Variants in ISG20 observed in about 807,000 individuals in gnomAD.
The protein encoded by ISG20 is interferon-stimulated gene 20 kDa protein.
In ISG20, 8 loss-of-function variants were observed where a neutral mutation model predicts 11.1. The observed-to-expected ratio is 0.72, with a 90% CI of 0.42 to 1.30. ISG20 has a LOEUF of 1.30. Among genes scored for constraint, ISG20 ranks in the 50% most tolerant of loss-of-function variants. The probability of loss-of-function intolerance (pLI) is 0.01; values close to 1 mark genes in which losing one functional copy is unlikely to be tolerated. For synonymous variants in ISG20, 110 were observed against 101.7 expected, an observed-to-expected ratio of 1.08 and a Z score of -0.49; for missense variants, 243 against 250.2, an observed-to-expected ratio of 0.97 and a Z score of 0.19.
rs746462659 is a variant in ISG20 at position 88,639,596 on chromosome 15, T to A, written c.228+2T>A. The A allele has an allele frequency of 6.2e-6, 10 of 1,611,706 alleles. No individual in the cohort carries two copies. In the Admixed American group the frequency reaches 1.5e-4, roughly 24 times the overall value. On this transcript the variant is annotated splice_donor_variant, in intron 2 of 3. Coordinates refer to ENST00000306072, the MANE Select transcript of ISG20 (RefSeq NM_002201.6). LOFTEE classifies it high-confidence loss of function. The surrounding 1 kb of genome is among the most constrained non-coding windows in gnomAD (Gnocchi z 4.2). ...CCATTTGCCGTGGCCAGGCTAGAGG[T>A]GAGTGAAGGCCCGGCCAGCAGGGGC...
At chr15:88,648,936 T>C (rs1214652235) in intron 2 of ISG20, 1 of 152,194 alleles carries the variant, frequency 6.6e-6, no homozygotes, top group African/African-American at 2.4e-5. Flanking sequence ...CTCATGACAC[T>C]GACTCAGGGC....
chr15:88,650,555 T>G lies in ISG20; in HGVS notation c.229-1555T>G. 3 of 1,024,350 alleles carry G rather than the reference T, an allele frequency of 2.9e-6. No individual in the cohort carries two copies. The highest frequency in any genetic ancestry group is 2.6e-6 in the Non-Finnish European group (2 of 758,220). 63.5% of individuals were successfully genotyped at this position (1,024,350 alleles called of 1,614,324 possible). On this transcript the variant is annotated intron_variant, in intron 2 of 3. Transcript: ENST00000306072. The surrounding 1 kb of genome is among the most constrained non-coding windows in gnomAD (Gnocchi z 4.0). ...AACTTACCGGTTCAAACAATGTCAA[T>G]ACTTATTTCGCTCGGCCACCTGCAG...
At chr15:88,639,013 G>C (rs2058031355), upstream of ISG20, 1 of 365,898 alleles carries the variant, frequency 2.7e-6, no homozygotes, top group South Asian at 3.6e-5. The surrounding 1 kb of genome is among the most constrained non-coding windows in gnomAD (Gnocchi z 4.2). Flanking sequence ...GCTGAGAGCA[G>C]CTGCAGTAGC....
At chr15:88,655,022 C>T (rs1278795639) in intron 3 of ISG20, among the ~76,000 whole-genome samples, 1 of 152,240 alleles carries the variant, frequency 6.6e-6, no homozygotes, top group Non-Finnish European at 1.5e-5. Context: ...CCCTTGTGTT[C>T]TCTCTGAGCA....
At chr15:88,654,966 C>T (rs2058350562) in intron 3 of ISG20, among the ~76,000 whole-genome samples, 1 of 152,202 alleles carries the variant, frequency 6.6e-6, no homozygotes, top group Non-Finnish European at 1.5e-5. Context: ...CACATGCTCT[C>T]CCTGCCTCCG....
rs774873626 is a variant in ISG20, at chr15:88,639,909, C to A, written c.228+315C>A. On this transcript the variant is annotated intron_variant, in intron 2 of 3. Transcript: ENST00000306072. The surrounding 1 kb of genome is among the most constrained non-coding windows in gnomAD (Gnocchi z 4.2). ...TCTACATTCCCCATTCTTCCCTCTA[C>A]CCCAGGCTGCCACTGGTGAGACCTG... Among the ~76,000 whole-genome samples, 1 of 152,232 alleles carries A rather than the reference C, an allele frequency of 6.6e-6. No individual in the cohort carries two copies. The highest frequency in any genetic ancestry group is 1.5e-5 in the Non-Finnish European group (1 of 68,050).
At chr15:88,645,075 C>G (rs2058148676) in intron 2 of ISG20, among the ~76,000 whole-genome samples, 1 of 152,216 alleles carries the variant, frequency 6.6e-6, no homozygotes, top group African/African-American at 2.4e-5. Flanking sequence ...ACACGGAACC[C>G]TGCTCAGACT....
chr15:88,639,423 C>T lies in ISG20; in HGVS notation c.57C>T (p.Pro19=). The T allele has an allele frequency of 6.2e-7, 1 of 1,613,976 alleles. No individual in the cohort carries two copies. Among genetic ancestry groups the T allele is most frequent in the Non-Finnish European group, 8.5e-7 (1 of 1,179,958 alleles). Residue 19 remains proline (P), a synonymous_variant, in exon 2 of 4, where the codon CCC becomes CCT. Transcript: ENST00000306072. The surrounding 1 kb of genome is among the most constrained non-coding windows in gnomAD (Gnocchi z 4.2). ...AMDCEMVGLG[P]HRESGLARCS... is the part of the protein sequence containing the mutation. ...ACTGCGAGATGGTGGGGCTGGGGCC[C>T]CACCGGGAGAGTGGCCTGGCTCGTT...
intron 2 of ISG20, chr15:88,647,212 T>A (rs928401031): frequency 6.6e-6 from 1 of 152,072 alleles, no homozygotes; most frequent in Non-Finnish European, 1.5e-5. Context: ...CCAGGAGTGC[T>A]TTAGGCCACT....
At chr15:88,641,621 T>C (rs1407787473) in intron 2 of ISG20, among the ~76,000 whole-genome samples, 1 of 152,058 alleles carries the variant, frequency 6.6e-6, no homozygotes, top group Admixed American at 6.5e-5. Flanking sequence ...TGTCCAAACT[T>C]CCTCTTTTTA....
intron 3 of ISG20, among the ~76,000 whole-genome samples, chr15:88,653,059 C>T (rs956128070): frequency 1.3e-5 from 2 of 152,114 alleles, no homozygotes; most frequent in Middle Eastern, 6.8e-3. Flanking sequence ...GAGGGAGAGG[C>T]GCCAGACACT....
chr15:88,647,929 C>T (rs993005957), intron 2 of ISG20: 3 of 152,170 alleles, frequency 2.0e-5, no homozygotes, highest in Non-Finnish European at 4.4e-5. Context: ...TGTTGGGGCC[C>T]TGCCACCTGG....
At chr15:88,653,378 C>A (rs1042645961) in intron 3 of ISG20, among the ~76,000 whole-genome samples, 23 of 152,086 alleles carry the variant, frequency 1.5e-4, no homozygotes, top group Non-Finnish European at 1.5e-5. Context: ...CAGAGTGGGG[C>A]CAGGTGAGTC....
Position 88,650,536 on chromosome 15 carries a change from C to G in ISG20, c.229-1574C>G, listed in dbSNP as rs2058256064. ...GCTTGGCAAATCACACCAAAACTTA[C>G]CGGTTCAAACAATGTCAATACTTAT... is the stretch of plus-strand genomic sequence containing the variant. On this transcript the variant is annotated intron_variant, in intron 2 of 3. Transcript: ENST00000306072. This position sits in a 1 kb window ranked among gnomAD's most constrained non-coding sequence, Gnocchi z 4.0. 5 of 1,214,982 alleles carry G rather than the reference C, an allele frequency of 4.1e-6. No homozygotes were observed. In the African/African-American group the frequency reaches 6.1e-5, roughly 15 times the overall value. The allele number at this position is 1,214,982 out of a possible 1,614,324, so 75.3% of individuals were successfully genotyped here.
chr15:88,656,204 G>T lies in ISG20; in HGVS notation c.*673G>T, dbSNP rs7181746. ...CGTAGGGTATTTGTGAGATGTTGCA[G>T]GCAAAGCCCCCAGCACCATGCCTGT... On this transcript the variant is annotated 3_prime_UTR_variant, in exon 4 of 4. Transcript: ENST00000306072. 122,456 of 152,012 alleles carry T rather than the reference G, an allele frequency of 0.81. 49,515 individuals are homozygous for T. Among genetic ancestry groups the T allele is most frequent in the Middle Eastern group, 0.9 (265 of 294 alleles). The allele number at this position is 152,012 out of a possible 1,614,324, so 9.4% of individuals were successfully genotyped here.
intron 2 of ISG20, among the ~76,000 whole-genome samples, chr15:88,645,129 C>A (rs2058150013): frequency 6.6e-6 from 1 of 152,170 alleles, no homozygotes; most frequent in South Asian, 2.1e-4. Context: ...GGTTCAAAGA[C>A]CAGGCAGGTC....
rs2141402090 is a variant in ISG20, at chr15:88,650,202, C to T, written c.229-1908C>T. ...TGGACTAGCCACGAGCCGCCCCTTT[C>T]CCTAATAGAGCTCACATCTGTTCTA... is the stretch of plus-strand genomic sequence containing the variant. On this transcript the variant is annotated intron_variant, in intron 2 of 3. Coordinates refer to ENST00000306072, the MANE Select transcript of ISG20 (RefSeq NM_002201.6). This position sits in a 1 kb window ranked among gnomAD's most constrained non-coding sequence, Gnocchi z 4.0. 1 of 1,521,222 alleles carries T rather than the reference C, an allele frequency of 6.6e-7. No homozygotes were observed. Among genetic ancestry groups the T allele is most frequent in the South Asian group, 1.2e-5 (1 of 83,798 alleles). 94.2% of individuals were successfully genotyped at this position (1,521,222 alleles called of 1,614,324 possible).
intron 2 of ISG20, among the ~76,000 whole-genome samples, chr15:88,644,774 A>G (rs897773562): frequency 5.3e-5 from 8 of 152,230 alleles, no homozygotes; most frequent in Admixed American, 3.9e-4. Flanking sequence ...TCAGATTCCC[A>G]CTGAGCAGTC....
intron 2 of ISG20, among the ~76,000 whole-genome samples, chr15:88,644,533 A>G (rs77825268): frequency 0.015 from 992 of 66,388 alleles, 4 homozygotes; most frequent in Middle Eastern, 0.061. Context: ...CTTAGTCTCC[A>G]AAAAAAAAAA....
Sources: gnomAD v4.1 joint callset for allele counts (sites outside exome capture counted in the v4.1 genomes callset) on GRCh38, gnomAD v4.1.1 for gene constraint, Gnocchi (gnomAD v3.1) non-coding constraint, MANE v1.5 for transcripts, NCBI Gene and HGNC (gene_info 2026-07-23, HGNC 2026-07-21) for gene names.